Variants in SGCD observed in about 807,000 individuals in gnomAD.
The protein encoded by SGCD is delta-sarcoglycan.
SGCD carries 18 observed loss-of-function variants against 36.6 expected under a neutral mutation model. The ratio of observed to expected loss-of-function variants is 0.49; its 90% CI spans 0.34 to 0.73. SGCD has a LOEUF of 0.73. Among genes scored for constraint, SGCD ranks in the 30% least tolerant of loss-of-function variants. The pLI is 0.01. For synonymous variants in SGCD, 133 were observed against 130.6 expected (o/e 1.02, Z -0.12); for missense variants, 387 against 346.7 (o/e 1.12, Z -0.92).
intron 1 of SGCD, among the ~76,000 whole-genome samples, chr5:156,109,354 T>C (rs1183854044): frequency 6.6e-6 from 1 of 152,158 alleles, no homozygotes; most frequent in East Asian, 1.9e-4. Context: ...TTCTGATTTC[T>C]GTTTGGTAGA....
intron 7 of SGCD, among the ~76,000 whole-genome samples, chr5:156,734,591 T>C (rs915126532): frequency 1.3e-5 from 2 of 152,240 alleles, no homozygotes; most frequent in Non-Finnish European, 2.9e-5. Flanking sequence ...TTCATTATTT[T>C]TTCTCTAGTC....
rs543505924 is a variant in SGCD at position 156,717,613 on chromosome 5, C to T, written c.576-39968C>T. On this transcript the variant is annotated intron_variant, in intron 7 of 8. Coordinates refer to ENST00000337851, the MANE Select transcript of SGCD (RefSeq NM_000337.6). ...CAAACAGCTGCCTACCTGCAAACCT[C>T]CTTATTTCATATGCAAACCATCTAA... Among the ~76,000 whole-genome samples the T allele has an allele frequency of 2.0e-5, 3 of 152,310 alleles. No individual in the cohort carries two copies. The East Asian group carries it at 5.8e-4, about 29-fold the overall frequency.
At chr5:156,056,659 A>AAAAAAAAAAAACAAAAAAC (rs1330447322) in intron 1 of SGCD, among the ~76,000 whole-genome samples, 3 of 141,890 alleles carry the variant, frequency 2.1e-5, no homozygotes, top group African/African-American at 7.7e-5. Flanking sequence ...AAAAAAAAAA[A>AAAAAAAAAAAACAAAAAAC]AAAAAACAGT....
At chr5:156,731,657 G>A (rs867625220) in intron 7 of SGCD, among the ~76,000 whole-genome samples, 13 of 150,008 alleles carry the variant, frequency 8.7e-5, no homozygotes, top group Non-Finnish European at 1.5e-4. Flanking sequence ...TAGGCTATTC[G>A]GGCTCTTTTT....
At chr5:156,530,084 G>T (rs1757823553) in intron 4 of SGCD, among the ~76,000 whole-genome samples, 1 of 152,156 alleles carries the variant, frequency 6.6e-6, no homozygotes, top group South Asian at 2.1e-4. Context: ...TTTCTTCCTT[G>T]CTTGGTGCAA....
chr5:156,751,935 G>C (rs1757161414), intron 7 of SGCD, among the ~76,000 whole-genome samples: 1 of 152,208 alleles, frequency 6.6e-6, no homozygotes, highest in African/African-American at 2.4e-5. Flanking sequence ...ACATTAGTCT[G>C]AAAGAGACTT....
Position 156,535,675 on chromosome 5 carries a change from A to G in SGCD, c.294+26973A>G, listed in dbSNP as rs373694518. ...CTGCCATGTTAATGTTTGTGTTTAG[A>G]GAGCACAAGAATAGTCTATTTTTAC... On this transcript the variant is annotated intron_variant, in intron 4 of 8. Transcript: ENST00000337851. Among the ~76,000 whole-genome samples, 8 of 152,340 alleles carry G rather than the reference A, an allele frequency of 5.3e-5. No homozygotes were observed. In the South Asian group the frequency reaches 1.4e-3, roughly 28 times the overall value.
intron 1 of SGCD, among the ~76,000 whole-genome samples, chr5:155,870,858 T>A (rs1755617018): frequency 6.6e-6 from 1 of 152,132 alleles, no homozygotes; most frequent in Admixed American, 6.6e-5. Context: ...GACTTACGGG[T>A]CACAACACGC....
At chr5:156,747,527 G>A (rs1202603237) in intron 7 of SGCD, among the ~76,000 whole-genome samples, 1 of 152,106 alleles carries the variant, frequency 6.6e-6, no homozygotes, top group African/African-American at 2.4e-5. Context: ...GTAGACTGTT[G>A]GACTGAACAC....
intron 3 of SGCD, among the ~76,000 whole-genome samples, chr5:156,396,069 C>A (rs1280367352): frequency 6.6e-6 from 1 of 152,202 alleles, no homozygotes; most frequent in Admixed American, 6.5e-5. Context: ...TGAAGTCAAG[C>A]TACCTGGGTA....
intron 7 of SGCD, among the ~76,000 whole-genome samples, chr5:156,680,377 A>G (rs1462090726): frequency 2.6e-5 from 4 of 152,128 alleles, no homozygotes; most frequent in Non-Finnish European, 5.9e-5. Flanking sequence ...TGATTACTAG[A>G]ATCTTGACAT....
chr5:155,749,497 G>C, the SGCD span, among the ~76,000 whole-genome samples: 1 of 152,176 alleles, frequency 6.6e-6, no homozygotes, highest in Admixed American at 6.5e-5. Flanking sequence ...CTATAATCTT[G>C]TCTATTTACA....
chr5:156,453,177 A>G (rs1754099003), intron 3 of SGCD, among the ~76,000 whole-genome samples: 1 of 152,178 alleles, frequency 6.6e-6, no homozygotes, highest in African/African-American at 2.4e-5. Context: ...TTTTATTCTG[A>G]AAGGGAAAAA....
intron 5 of SGCD, 41 bp from the exon 6 acceptor site, chr5:156,594,891 C>G: frequency 7.7e-7 from 1 of 1,296,720 alleles, no homozygotes. Context: ...CTCTCTCTCT[C>G]CTCTCTCCTC....
chr5:156,168,166 T>C (rs4704982), intron 3 of SGCD, among the ~76,000 whole-genome samples: 54,288 of 152,100 alleles, frequency 0.36, 9,933 homozygotes, highest in Admixed American at 0.43. Flanking sequence ...ATCATTTTTT[T>C]CCTATTTAGT....
chr5:156,305,422 G>C (rs746247243), intron 3 of SGCD, among the ~76,000 whole-genome samples: 7 of 152,152 alleles, frequency 4.6e-5, no homozygotes, highest in Non-Finnish European at 1.0e-4. Flanking sequence ...GGTTGGGCCT[G>C]CAGGTGCACA....
At chr5:156,590,740 CTT>C (rs547851183) in intron 5 of SGCD, among the ~76,000 whole-genome samples, 3 of 150,774 alleles carry the variant, frequency 2.0e-5, no homozygotes, top group Non-Finnish European at 4.4e-5. Context: ...GAGTCAGTCT[CTT>C]TTTTTCCCCC....
At chr5:155,851,753 C>T in the SGCD span, among the ~76,000 whole-genome samples, 1 of 152,294 alleles carries the variant, frequency 6.6e-6, no homozygotes, top group Non-Finnish European at 1.5e-5. Flanking sequence ...TCCTCCTCTT[C>T]CTGTACCACC....
At chr5:156,604,956 T>C (rs1184148493) in intron 6 of SGCD, among the ~76,000 whole-genome samples, 1 of 151,754 alleles carries the variant, frequency 6.6e-6, no homozygotes, top group Non-Finnish European at 1.5e-5. Context: ...AGCCTTCATA[T>C]TAAGGGATTG....
Sources: allele counts gnomAD v4.1 joint callset (sites outside exome capture counted in the v4.1 genomes callset), GRCh38; gene constraint gnomAD v4.1.1; transcripts MANE v1.5; gene names NCBI Gene and HGNC (gene_info 2026-07-23, HGNC 2026-07-21).